VPS53: variants seen among roughly 807,000 people sequenced by gnomAD.
VPS53 encodes vacuolar protein sorting-associated protein 53 homolog.
VPS53 carries 70 observed loss-of-function variants against 107.0 expected under a neutral mutation model. The observed-to-expected ratio is 0.65, with a 90% CI of 0.54 to 0.80. The LOEUF (loss-of-function observed/expected upper bound fraction) is 0.80, where lower values mean the gene tolerates loss of function less well. Among genes scored for constraint, VPS53 ranks in the 30% least tolerant of loss-of-function variants. The pLI is 0.00. For missense variants in VPS53, 917 were observed against 1,049.4 expected (o/e 0.87, Z 1.74); for synonymous variants, 409 against 393.3 (o/e 1.04, Z -0.47).
chr17:652,609 A>G (rs1970998165), intron 7 of VPS53, among the ~76,000 whole-genome samples: 1 of 152,216 alleles, frequency 6.6e-6, no homozygotes. Flanking sequence ...CCAAGGAGCC[A>G]GCCATGAGAG....
At chr17:647,744 A>G (rs1244048255) in intron 7 of VPS53, among the ~76,000 whole-genome samples, 1 of 152,220 alleles carries the variant, frequency 6.6e-6, no homozygotes, top group Non-Finnish European at 1.5e-5. Context: ...CACACTGAGC[A>G]CACGTTGCAA....
chr17:567,504 CTT>C (rs56006720), intron 13 of VPS53, among the ~76,000 whole-genome samples: 57 of 145,104 alleles, frequency 3.9e-4, no homozygotes, highest in Admixed American at 4.8e-4. Flanking sequence ...GATCACATTT[CTT>C]TTTTTTTTTT....
At chr17:617,598 T>C (rs1470428234) in intron 11 of VPS53, among the ~76,000 whole-genome samples, 1 of 150,050 alleles carries the variant, frequency 6.7e-6, no homozygotes, top group Non-Finnish European at 1.5e-5. Context: ...ACTACAGGCG[T>C]GCGCCATCAG....
rs892111697 is a variant in VPS53 at position 714,792 on chromosome 17, C to T, written c.-83G>A. 1.3e-6 allele frequency: 2 copies of T among 1,515,544 alleles called. No homozygotes were observed. Among genetic ancestry groups the T allele is most frequent in the Non-Finnish European group, 1.8e-6 (2 of 1,094,030 alleles). 93.9% of individuals were successfully genotyped at this position (1,515,544 alleles called of 1,614,324 possible). A position where few individuals can be genotyped will look rare whatever the true frequency, so the allele number is the denominator to read the frequency against. ...CCACCCAGGCCCCAGCACAGCAACT[C>T]CCTCGCGGCAGCGACCTGGTGAGCC... On this transcript the variant is annotated 5_prime_UTR_variant, in exon 1 of 22. Coordinates refer to ENST00000437048, the MANE Select transcript of VPS53 (RefSeq NM_001128159.3).
chr17:553,997 GC>G (rs1912113665), intron 15 of VPS53, among the ~76,000 whole-genome samples: 1 of 152,168 alleles, frequency 6.6e-6, no homozygotes, highest in South Asian at 2.1e-4. Context: ...CAGAGCCTGT[GC>G]CCTTTAGCAC....
At chr17:607,249 G>A (rs894318792) in intron 11 of VPS53, among the ~76,000 whole-genome samples, 3 of 152,128 alleles carry the variant, frequency 2.0e-5, no homozygotes, top group African/African-American at 7.2e-5. Context: ...GTGGAGCCTC[G>A]TCCCAACTAC....
At chr17:636,470 A>C (rs539233781) in intron 7 of VPS53, among the ~76,000 whole-genome samples, 7 of 152,234 alleles carry the variant, frequency 4.6e-5, no homozygotes, top group Non-Finnish European at 8.8e-5. Flanking sequence ...AGGAATGGTG[A>C]AAGAGGGCAT....
chr17:699,833 G>A (rs561509866), intron 2 of VPS53, among the ~76,000 whole-genome samples: 10 of 152,134 alleles, frequency 6.6e-5, no homozygotes, highest in African/African-American at 1.7e-4. Flanking sequence ...TTTTACTAAC[G>A]GAATGGGGCA....
rs142647633 is a variant in VPS53 at position 589,119 on chromosome 17, T to C, written c.1219-2755A>G. Among the ~76,000 whole-genome samples, 60 of 151,974 alleles carry C rather than the reference T, an allele frequency of 3.9e-4. No homozygotes were observed. The East Asian group carries it at 0.011, about 27-fold the overall frequency. Reference sequence around the variant, plus strand: ...TTTTTTTCTTCTTTTGAAGAAAATATTCACACTCTGCAGGATAACTTCTGG... The same window carrying C: ...TTTTTTTCTTCTTTTGAAGAAAATACTCACACTCTGCAGGATAACTTCTGG... On this transcript the variant is annotated intron_variant, in intron 12 of 21. Transcript: ENST00000437048.
In VPS53 at chr17:518,488, G is replaced by A. The variant is rs189416022; in HGVS notation, c.*640C>T. ...AAGGTGAGTGGGCAGAAAGGGGTTT[G>A]AGAGTATGGACTTCCTGGGCGTTCC... On this transcript the variant is annotated 3_prime_UTR_variant, in exon 22 of 22. Coordinates refer to ENST00000437048, the MANE Select transcript of VPS53 (RefSeq NM_001128159.3). 1 of 152,214 alleles carries A rather than the reference G, an allele frequency of 6.6e-6. No individual in the cohort carries two copies. Among genetic ancestry groups the A allele is most frequent in the African/African-American group, 2.4e-5 (1 of 41,444 alleles). The allele number at this position is 152,214 out of a possible 1,614,324, so 9.4% of individuals were successfully genotyped here.
At chr17:708,135 A>G (rs1453648147) in intron 2 of VPS53, among the ~76,000 whole-genome samples, 3 of 152,166 alleles carry the variant, frequency 2.0e-5, no homozygotes, top group African/African-American at 7.2e-5. Flanking sequence ...ACACGAAACT[A>G]AGAAGTAGTA....
chr17:537,526 G>C (rs1910191820), intron 17 of VPS53: 1 of 180,234 alleles, frequency 5.5e-6, no homozygotes, highest in Non-Finnish European at 1.2e-5. Context: ...GCAGAACGGG[G>C]AGGGACACCG....
At chr17:656,403 AAAG>A (rs1466063729) in intron 5 of VPS53, among the ~76,000 whole-genome samples, 2 of 152,234 alleles carry the variant, frequency 1.3e-5, no homozygotes, top group African/African-American at 2.4e-5. Flanking sequence ...AGCTTCCAGC[AAAG>A]AAGACTTTCA....
At chr17:684,054 T>C (rs56172134) in intron 4 of VPS53, among the ~76,000 whole-genome samples, 11,739 of 152,254 alleles carry the variant, frequency 0.077, 580 homozygotes, top group Non-Finnish European at 0.11. Flanking sequence ...AGTGATACAA[T>C]GTCATCACTG....
At chr17:578,938 C>G (rs1914910015) in intron 13 of VPS53, among the ~76,000 whole-genome samples, 1 of 149,254 alleles carries the variant, frequency 6.7e-6, no homozygotes, top group Non-Finnish European at 1.5e-5. Context: ...TCCTTCAGAA[C>G]CTAAGGCGTT....
chr17:673,321 C>A (rs1048442786), intron 4 of VPS53, among the ~76,000 whole-genome samples: 1 of 152,132 alleles, frequency 6.6e-6, no homozygotes, highest in African/African-American at 2.4e-5. Flanking sequence ...CTGCTGACCA[C>A]CCCGGCATCA....
chr17:640,988 G>A (rs1409220046), intron 7 of VPS53, among the ~76,000 whole-genome samples: 1 of 152,056 alleles, frequency 6.6e-6, no homozygotes, highest in Non-Finnish European at 1.5e-5. Context: ...CCAAGTAGCT[G>A]GGATTACAGG....
At chr17:584,003 T>C (rs1428739186) in intron 13 of VPS53, among the ~76,000 whole-genome samples, 1 of 152,040 alleles carries the variant, frequency 6.6e-6, no homozygotes, top group East Asian at 1.9e-4. Flanking sequence ...GGACCTAATA[T>C]GTTCCCAGAT....
chr17:658,419 G>A (rs111771824), intron 5 of VPS53, among the ~76,000 whole-genome samples: 6 of 141,628 alleles, frequency 4.2e-5, no homozygotes, highest in Middle Eastern at 5.2e-3. Flanking sequence ...TGAGAAACTC[G>A]GCCGTGAGTT....
Sources: gnomAD v4.1 joint callset for allele counts (sites outside exome capture counted in the v4.1 genomes callset) on GRCh38, gnomAD v4.1.1 for gene constraint, MANE v1.5 for transcripts, NCBI Gene and HGNC (gene_info 2026-07-23, HGNC 2026-07-21) for gene names.